The following SPIDR variants were observed in gnomAD, a reference collection of about 807,000 sequenced individuals.
SPIDR encodes the protein scaffold protein involved in DNA repair, also known as DNA repair-scaffolding protein.
A neutral mutation model predicts 104.6 loss-of-function variants in SPIDR; 93 were observed. That is an observed-to-expected ratio of 0.89 (90% CI 0.75 to 1.06). The LOEUF is 1.06. SPIDR is among the 50% of genes least tolerant of loss of function. The pLI, the probability that SPIDR is intolerant of heterozygous loss-of-function variation, is 0.00. For synonymous variants in SPIDR, 431 were observed against 416.9 expected (o/e 1.03, Z -0.41); for missense variants, 1,154 against 1,111.2 (o/e 1.04, Z -0.55).
intron 5 of SPIDR, among the ~76,000 whole-genome samples, chr8:47,367,812 C>T (rs1187277040): frequency 1.3e-5 from 2 of 151,948 alleles, no homozygotes; most frequent in African/African-American, 4.8e-5. Context: ...ATTCAGTGAA[C>T]GAACGTAGGA....
At chr8:47,616,210 G>A (rs1453355558) in intron 10 of SPIDR, among the ~76,000 whole-genome samples, 1 of 152,144 alleles carries the variant, frequency 6.6e-6, no homozygotes, top group Non-Finnish European at 1.5e-5. Context: ...AGCGTTGAAT[G>A]GAAGTAGCAA....
At chr8:47,544,877 G>A (rs994135467) in intron 8 of SPIDR, among the ~76,000 whole-genome samples, 9 of 152,092 alleles carry the variant, frequency 5.9e-5, no homozygotes, top group Non-Finnish European at 8.8e-5. Context: ...TAGGAATTGT[G>A]TTAAATGTAT....
intron 16 of SPIDR, 26 bp from the exon 17 acceptor site, chr8:47,727,174 G>A: frequency 6.2e-7 from 1 of 1,611,674 alleles, no homozygotes; most frequent in South Asian, 1.1e-5. Context: ...CGCCTCTGAG[G>A]TGGGCTTTCC....
rs957875117 is a variant in SPIDR at position 47,511,063 on chromosome 8, A to G, written c.1097+70521A>G. The G allele has an allele frequency of 2.9e-5, 28 of 962,092 alleles. No individual in the cohort carries two copies. The East Asian group carries it at 6.5e-4, about 22-fold the overall frequency. 59.6% of individuals were successfully genotyped at this position (962,092 alleles called of 1,614,324 possible). The stretch of plus-strand genomic sequence containing the variant: ...TCACCACTGCATGATGGCAGCATTG[A>G]GCAGGTTGGCTTCCTTCAGGGTCCA... On this transcript the variant is annotated intron_variant, in intron 8 of 19. Transcript: ENST00000297423.
chr8:47,421,255 C>T (rs573967003), intron 7 of SPIDR, among the ~76,000 whole-genome samples: 4 of 152,334 alleles, frequency 2.6e-5, no homozygotes, highest in East Asian at 3.9e-4. Context: ...ACCAATCAGA[C>T]GTAGATTTGG....
At chr8:47,690,662 T>C (rs1374441303) in intron 11 of SPIDR, among the ~76,000 whole-genome samples, 1 of 151,880 alleles carries the variant, frequency 6.6e-6, no homozygotes, top group Non-Finnish European at 1.5e-5. Flanking sequence ...CTACTAAAAA[T>C]ACAAAAATTA....
Position 47,735,512 on chromosome 8 carries a change from A to G in SPIDR, c.*62A>G, listed in dbSNP as rs1589668570. ...TGCAAGGGTGGTGGTGGTGGTGGTG[A>G]TTTGGGGTAGTTATTTGTTAACTAT... On this transcript the variant is annotated 3_prime_UTR_variant, in exon 20 of 20. Transcript: ENST00000297423. The G allele has an allele frequency of 6.2e-7, 1 of 1,610,736 alleles. No homozygotes were observed. The highest frequency in any genetic ancestry group is 8.5e-7 in the Non-Finnish European group (1 of 1,178,196).
intron 5 of SPIDR, among the ~76,000 whole-genome samples, chr8:47,368,594 G>A (rs938668045): frequency 1.6e-4 from 25 of 152,104 alleles, no homozygotes; most frequent in Non-Finnish European, 2.2e-4. Flanking sequence ...CCTTCAATGC[G>A]CATGTCTTTT....
At chr8:47,373,403 G>A (rs2058279335) in intron 5 of SPIDR, among the ~76,000 whole-genome samples, 1 of 152,158 alleles carries the variant, frequency 6.6e-6, no homozygotes, top group Admixed American at 6.5e-5. Context: ...ACTTTGTGTG[G>A]TGTTTGGCAA....
intron 5 of SPIDR, among the ~76,000 whole-genome samples, chr8:47,340,473 C>T (rs770674355): frequency 6.6e-6 from 1 of 152,058 alleles, no homozygotes; most frequent in Non-Finnish European, 1.5e-5. Flanking sequence ...GACATGGTGG[C>T]ACCCTGTAGT....
intron 5 of SPIDR, among the ~76,000 whole-genome samples, chr8:47,298,334 A>G (rs1272735372): frequency 5.1e-4 from 77 of 152,144 alleles, no homozygotes; most frequent in Middle Eastern, 3.4e-3. Flanking sequence ...GTTTGAGTTC[A>G]TTGTAGATTC....
At chr8:47,465,803 A>G (rs1200536207) in intron 8 of SPIDR, among the ~76,000 whole-genome samples, 3 of 152,180 alleles carry the variant, frequency 2.0e-5, no homozygotes, top group Non-Finnish European at 4.4e-5. Flanking sequence ...AGTGACACCC[A>G]TAGGCTCAAA....
chr8:47,456,926 A>G lies in SPIDR; in HGVS notation c.1097+16384A>G, dbSNP rs377093366. Reference sequence around the variant, plus strand: ...AATCCCATCTAAGTTGCTGCGAATGACATTAATTCATTCCTTTTTATGGCT... The same window carrying G: ...AATCCCATCTAAGTTGCTGCGAATGGCATTAATTCATTCCTTTTTATGGCT... On this transcript the variant is annotated intron_variant, in intron 8 of 19. Transcript: ENST00000297423. Among the ~76,000 whole-genome samples, 410 of 152,306 alleles carry G rather than the reference A, an allele frequency of 2.7e-3. 3 individuals carry two copies. Among genetic ancestry groups the G allele is most frequent in the South Asian group, 0.022 (108 of 4,832 alleles).
chr8:47,585,901 C>T (rs1254413998), intron 8 of SPIDR, among the ~76,000 whole-genome samples: 1 of 152,144 alleles, frequency 6.6e-6, no homozygotes, highest in Non-Finnish European at 1.5e-5. Context: ...AAGGCTCCAC[C>T]TCTCAATACT....
At chr8:47,496,391 G>C (rs922965548) in intron 8 of SPIDR, among the ~76,000 whole-genome samples, 1 of 152,134 alleles carries the variant, frequency 6.6e-6, no homozygotes, top group Non-Finnish European at 1.5e-5. Flanking sequence ...AAGTTCTTGA[G>C]TGTTTTCATC....
intron 8 of SPIDR, among the ~76,000 whole-genome samples, chr8:47,456,475 A>G (rs1374691552): frequency 6.6e-6 from 1 of 152,186 alleles, no homozygotes; most frequent in African/African-American, 2.4e-5. Flanking sequence ...AAATTACCGA[A>G]TATCTTTTCT....
intron 5 of SPIDR, among the ~76,000 whole-genome samples, chr8:47,328,665 C>G (rs1307645655): frequency 2.6e-5 from 4 of 152,128 alleles, no homozygotes; most frequent in Admixed American, 2.6e-4. Context: ...TATTGTATCT[C>G]TTATGCAGAG....
intron 10 of SPIDR, among the ~76,000 whole-genome samples, chr8:47,667,544 ACTAATGAT>A (rs2075143422): frequency 6.6e-6 from 1 of 152,010 alleles, no homozygotes; most frequent in Non-Finnish European, 1.5e-5. Flanking sequence ...AAGGCTGCAA[ACTAATGAT>A]CTAAGCCTCC....
chr8:47,323,091 A>T (rs1428297153), intron 5 of SPIDR, among the ~76,000 whole-genome samples: 2 of 147,116 alleles, frequency 1.4e-5, no homozygotes, highest in Non-Finnish European at 2.9e-5. Flanking sequence ...AGTATAATAA[A>T]AAAAGAAGAA....
Sources: allele counts gnomAD v4.1 joint callset (sites outside exome capture counted in the v4.1 genomes callset), GRCh38; gene constraint gnomAD v4.1.1; transcripts MANE v1.5; gene names NCBI Gene and HGNC (gene_info 2026-07-23, HGNC 2026-07-21).